Variants in PRKD1 observed in about 807,000 individuals in gnomAD.
PRKD1 encodes serine/threonine-protein kinase D1.
A neutral mutation model predicts 95.9 loss-of-function variants in PRKD1; 63 were observed. The ratio of observed to expected loss-of-function variants is 0.66; its 90% confidence interval spans 0.54 to 0.81. The LOEUF is 0.81. Ranked by LOEUF, PRKD1 falls within the 30% of genes least tolerant of loss-of-function variation. PRKD1 has a pLI of 0.00. For missense variants in PRKD1, 1,048 were observed against 1,165.3 expected, an observed-to-expected ratio of 0.90 and a Z score of 1.47; for synonymous variants, 425 against 423.1, an observed-to-expected ratio of 1.00 and a Z score of -0.05.
chr14:29,647,560 A>T (rs1881204627), intron 4 of PRKD1, among the ~76,000 whole-genome samples: 3 of 152,340 alleles, frequency 2.0e-5, no homozygotes, highest in African/African-American at 7.2e-5. Flanking sequence ...GCCTGAATAG[A>T]CTAGGACCTG....
At chr14:29,786,025 C>G (rs1889259933) in intron 1 of PRKD1, among the ~76,000 whole-genome samples, 1 of 151,886 alleles carries the variant, frequency 6.6e-6, no homozygotes, top group Non-Finnish European at 1.5e-5. Context: ...TCCTCTATAC[C>G]TAATTTGTTC....
chr14:29,773,182 C>T (rs1394600652), intron 1 of PRKD1, among the ~76,000 whole-genome samples: 2 of 151,986 alleles, frequency 1.3e-5, no homozygotes, highest in Non-Finnish European at 2.9e-5. Flanking sequence ...TGAAAATGGC[C>T]GGCTGTGGTG....
chr14:29,651,933 A>G (rs958226102), intron 4 of PRKD1, among the ~76,000 whole-genome samples: 6 of 152,072 alleles, frequency 3.9e-5, no homozygotes, highest in African/African-American at 1.4e-4. Flanking sequence ...TTTAGTAGAG[A>G]TGGGGTTTCA....
At chr14:29,583,220 C>T (rs1031160145) in intron 16 of PRKD1, among the ~76,000 whole-genome samples, 1 of 152,162 alleles carries the variant, frequency 6.6e-6, no homozygotes, top group African/African-American at 2.4e-5. Context: ...ACCTAGATTT[C>T]TTGGGGTAAG....
chr14:29,783,656 C>A (rs1889146035), intron 1 of PRKD1, among the ~76,000 whole-genome samples: 1 of 152,072 alleles, frequency 6.6e-6, no homozygotes, highest in African/African-American at 2.4e-5. Flanking sequence ...TCCTTGCCAG[C>A]ACGCTATTTT....
At chr14:29,791,242 G>A (rs73259572) in intron 1 of PRKD1, among the ~76,000 whole-genome samples, 6,412 of 152,066 alleles carry the variant, frequency 0.042, 226 homozygotes, top group African/African-American at 0.091. Flanking sequence ...TCATTTCCAC[G>A]TAATAACATG....
At chr14:29,804,441 T>C (rs544979473) in intron 1 of PRKD1, among the ~76,000 whole-genome samples, 22 of 152,260 alleles carry the variant, frequency 1.4e-4, no homozygotes, top group Non-Finnish European at 3.2e-4. Context: ...CCCACGAACA[T>C]GTCCAATGTC....
chr14:29,643,169 T>C (rs558525552), intron 4 of PRKD1, among the ~76,000 whole-genome samples: 1 of 152,066 alleles, frequency 6.6e-6, no homozygotes, highest in African/African-American at 2.4e-5. Context: ...TTTGTAAGAA[T>C]TGACATCACT....
At chr14:29,779,200 G>A (rs541245084) in intron 1 of PRKD1, among the ~76,000 whole-genome samples, 5 of 152,128 alleles carry the variant, frequency 3.3e-5, no homozygotes, top group East Asian at 1.9e-4. Flanking sequence ...GGGCAAAAAC[G>A]GGAAGCGTTC....
intron 1 of PRKD1, among the ~76,000 whole-genome samples, chr14:29,810,528 C>A (rs151044443): frequency 1.3e-5 from 2 of 152,298 alleles, no homozygotes; most frequent in African/African-American, 2.4e-5. Flanking sequence ...TTATAAGAAT[C>A]TTTCATTGTT....
At chr14:29,613,405 T>A (rs1878619808) in intron 13 of PRKD1, among the ~76,000 whole-genome samples, 1 of 152,314 alleles carries the variant, frequency 6.6e-6, no homozygotes, top group East Asian at 1.9e-4. Flanking sequence ...TTTAATCTTG[T>A]TCCATGAAGA....
chr14:29,608,963 C>T (rs977192537), intron 13 of PRKD1, among the ~76,000 whole-genome samples: 1 of 152,132 alleles, frequency 6.6e-6, no homozygotes, highest in East Asian at 1.9e-4. Flanking sequence ...TTAATATGTA[C>T]TGTCAGAGGA....
In PRKD1 at chr14:29,646,543, AG is replaced by A. The variant is rs1423113712; in HGVS notation, c.697-7640del. 1.7e-4 allele frequency among the ~76,000 whole-genome samples: 25 copies of A among 150,370 alleles called. 1 individual carries two copies. The highest frequency in any genetic ancestry group is 6.0e-4 in the African/African-American group (24 of 40,072). Reference sequence around the variant, plus strand: ...ATGTACTCACAAAAATTAGATAGATAGATAGATAGATAGATAGATAGATAGA... The same window carrying A: ...ATGTACTCACAAAAATTAGATAGATAATAGATAGATAGATAGATAGATAGA... On this transcript the variant is annotated intron_variant, in intron 4 of 17. Coordinates refer to ENST00000331968, the MANE Select transcript of PRKD1 (RefSeq NM_002742.3).
rs1403285041 is a variant in PRKD1 at position 29,712,636 on chromosome 14, A to C, written c.403+12900T>G. On this transcript the variant is annotated intron_variant, in intron 2 of 17. Coordinates refer to ENST00000331968, the MANE Select transcript of PRKD1 (RefSeq NM_002742.3). ...GTTAAAAAAGTGAAGGTACAAATACATTCTGGTGTAGCATTGCTCTTTCCA... is the reference window on the plus strand; with the variant it reads ...GTTAAAAAAGTGAAGGTACAAATACCTTCTGGTGTAGCATTGCTCTTTCCA... 2.0e-5 allele frequency among the ~76,000 whole-genome samples: 3 copies of C among 152,186 alleles called. No individual in the cohort carries two copies. The East Asian group carries it at 5.8e-4, about 29-fold the overall frequency.
chr14:29,869,458 A>G (rs952825206), intron 1 of PRKD1, among the ~76,000 whole-genome samples: 1 of 151,688 alleles, frequency 6.6e-6, no homozygotes, highest in Non-Finnish European at 1.5e-5. Context: ...AAAAAAAAAG[A>G]AGAAAGAAAG....
intron 1 of PRKD1, among the ~76,000 whole-genome samples, chr14:29,735,422 A>C (rs1886665824): frequency 6.6e-6 from 1 of 152,200 alleles, no homozygotes; most frequent in South Asian, 2.1e-4. Context: ...CTCTTTCCAT[A>C]TCCTTTCCTA....
At chr14:29,767,165 G>A (rs777152686) in intron 1 of PRKD1, among the ~76,000 whole-genome samples, 52 of 152,106 alleles carry the variant, frequency 3.4e-4, no homozygotes, top group Non-Finnish European at 6.6e-4. Context: ...CAAAAAACCT[G>A]TCCAGATTGT....
intron 1 of PRKD1, among the ~76,000 whole-genome samples, chr14:29,823,333 T>C (rs572939356): frequency 1.3e-5 from 2 of 152,206 alleles, no homozygotes; most frequent in Non-Finnish European, 2.9e-5. Flanking sequence ...ATATGTTAAA[T>C]TACCATCACA....
chr14:29,581,124 A>G (rs948576427), intron 16 of PRKD1, among the ~76,000 whole-genome samples: 2 of 152,158 alleles, frequency 1.3e-5, no homozygotes, highest in East Asian at 1.9e-4. Context: ...ACTTTATTCT[A>G]TATGACAGTT....
Sources: gnomAD v4.1 joint callset for allele counts (sites outside exome capture counted in the v4.1 genomes callset) on GRCh38, gnomAD v4.1.1 for gene constraint, MANE v1.5 for transcripts, NCBI Gene and HGNC (gene_info 2026-07-23, HGNC 2026-07-21) for gene names.